Variants in RPS6KC1 observed in about 807,000 individuals in gnomAD.
The protein encoded by RPS6KC1 is ribosomal protein S6 kinase C1, also known as inactive ribosomal protein S6 kinase delta-1.
In RPS6KC1, 54 loss-of-function variants were observed where a neutral mutation model predicts 103.8. The observed-to-expected ratio is 0.52, with a 90% CI of 0.42 to 0.65. RPS6KC1 has a LOEUF of 0.65. Among genes scored for constraint, RPS6KC1 ranks in the 30% least tolerant of loss-of-function variants. The pLI is 0.00. For missense variants in RPS6KC1, 1,151 were observed against 1,253.8 expected (o/e 0.92, Z 1.24); for synonymous variants, 439 against 438.7 (o/e 1.00, Z -0.01).
the RPS6KC1 span, among the ~76,000 whole-genome samples, chr1:213,385,349 A>G: frequency 6.6e-6 from 1 of 152,162 alleles, no homozygotes; most frequent in East Asian, 1.9e-4. Flanking sequence ...GAGGAAACTG[A>G]GACACAGAGA....
Position 213,061,894 on chromosome 1 carries a change from C to T in RPS6KC1, c.106-9112C>T, listed in dbSNP as rs190425519. On this transcript the variant is annotated intron_variant, in intron 1 of 14. Coordinates refer to ENST00000366960, the MANE Select transcript of RPS6KC1 (RefSeq NM_012424.6). ...GTAATTACTAGTATTAATTTTGTCA[C>T]TTTTTCTTCTTAGCTCTGCTACCCT... Among the ~76,000 whole-genome samples the T allele has an allele frequency of 3.1e-3, 470 of 152,236 alleles. 2 individuals carry two copies. The highest frequency in any genetic ancestry group is 9.9e-3 in the African/African-American group (412 of 41,536).
the RPS6KC1 span, among the ~76,000 whole-genome samples, chr1:213,531,032 T>C: frequency 6.6e-6 from 1 of 152,180 alleles, no homozygotes; most frequent in African/African-American, 2.4e-5. Context: ...GCAGCTGTTA[T>C]GGAGGAGTTA....
At chr1:213,189,856 C>T (rs965496335) in intron 8 of RPS6KC1, among the ~76,000 whole-genome samples, 7 of 152,110 alleles carry the variant, frequency 4.6e-5, no homozygotes, top group African/African-American at 1.7e-4. Flanking sequence ...TCCATGAGTT[C>T]AATTATTTTA....
chr1:213,695,833 A>G, the RPS6KC1 span, among the ~76,000 whole-genome samples: 1 of 152,250 alleles, frequency 6.6e-6, no homozygotes, highest in African/African-American at 2.4e-5. Flanking sequence ...AAAAATACAC[A>G]AACAGATAAC....
At chr1:213,451,937 G>A in the RPS6KC1 span, among the ~76,000 whole-genome samples, 7 of 152,212 alleles carry the variant, frequency 4.6e-5, no homozygotes, top group Non-Finnish European at 1.0e-4. Context: ...TGCTATTCCA[G>A]GAGAAGGCGA....
the RPS6KC1 span, among the ~76,000 whole-genome samples, chr1:213,420,684 A>T: frequency 1.3e-5 from 2 of 152,140 alleles, no homozygotes; most frequent in African/African-American, 4.8e-5. Context: ...TCAAAGCCTC[A>T]CAGAAGGCTC....
At chr1:213,348,578 G>A in the RPS6KC1 span, among the ~76,000 whole-genome samples, 2 of 152,188 alleles carry the variant, frequency 1.3e-5, no homozygotes, top group South Asian at 2.1e-4. Flanking sequence ...GCATTATTAA[G>A]TGACTGAATT....
chr1:213,370,856 T>C, the RPS6KC1 span, among the ~76,000 whole-genome samples: 2 of 152,126 alleles, frequency 1.3e-5, no homozygotes, highest in African/African-American at 4.8e-5. Context: ...GGCAGTGGCA[T>C]TGAGTACCAG....
At chr1:213,211,180 G>GTT (rs1558545169) in intron 8 of RPS6KC1, among the ~76,000 whole-genome samples, 1 of 152,188 alleles carries the variant, frequency 6.6e-6, no homozygotes, top group Non-Finnish European at 1.5e-5. Context: ...ACAGTGTCAA[G>GTT]TTATCATCCC....
At chr1:213,852,437 A>G in the RPS6KC1 span, among the ~76,000 whole-genome samples, 1 of 151,910 alleles carries the variant, frequency 6.6e-6, no homozygotes, top group African/African-American at 2.4e-5. Flanking sequence ...CCACCCAACT[A>G]TCTAGCAAAC....
the RPS6KC1 span, among the ~76,000 whole-genome samples, chr1:213,694,170 C>CCTGCCT: frequency 6.6e-6 from 1 of 152,240 alleles, no homozygotes; most frequent in Non-Finnish European, 1.5e-5. Flanking sequence ...TGCTCAATCT[C>CCTGCCT]CTGCCTCTGC....
chr1:213,051,558 A>C (rs373571113), intron 1 of RPS6KC1, 49 bp downstream of exon 1: 1 of 1,373,692 alleles, frequency 7.3e-7, no homozygotes, highest in Non-Finnish European at 1.0e-6. Flanking sequence ...GGACCTGAGG[A>C]TCTGGGGTGG....
At chr1:213,694,428 A>G in the RPS6KC1 span, among the ~76,000 whole-genome samples, 1 of 152,162 alleles carries the variant, frequency 6.6e-6, no homozygotes, top group Non-Finnish European at 1.5e-5. Flanking sequence ...CAATATTCTG[A>G]ATTTCCCCCA....
chr1:213,454,149 G>GGC, the RPS6KC1 span, among the ~76,000 whole-genome samples: 9 of 150,862 alleles, frequency 6.0e-5, no homozygotes, highest in African/African-American at 2.2e-4. Context: ...TGACCACATG[G>GGC]GGGGGGTCAG....
intron 12 of RPS6KC1, among the ~76,000 whole-genome samples, chr1:213,256,959 G>C (rs1354422662): frequency 2.6e-5 from 4 of 152,166 alleles, no homozygotes; most frequent in African/African-American, 4.8e-5. Context: ...AGTGAAATAA[G>C]ATTCTGAGGT....
At chr1:213,603,081 C>T in the RPS6KC1 span, among the ~76,000 whole-genome samples, 1 of 152,214 alleles carries the variant, frequency 6.6e-6, no homozygotes, top group Non-Finnish European at 1.5e-5. Context: ...GCTTACAAAG[C>T]ACAGCAGGCA....
the RPS6KC1 span, among the ~76,000 whole-genome samples, chr1:213,685,263 C>G: frequency 1.3e-5 from 2 of 152,126 alleles, no homozygotes; most frequent in African/African-American, 4.8e-5. Context: ...TAAGTCCTGC[C>G]TCTATCACAA....
At chr1:213,305,140 A>C in the RPS6KC1 span, among the ~76,000 whole-genome samples, 1 of 152,132 alleles carries the variant, frequency 6.6e-6, no homozygotes, top group Non-Finnish European at 1.5e-5. Flanking sequence ...ACTGGAGTGC[A>C]CTGGCGCCAT....
At chr1:213,817,379 G>A in the RPS6KC1 span, among the ~76,000 whole-genome samples, 1 of 152,218 alleles carries the variant, frequency 6.6e-6, no homozygotes, top group South Asian at 2.1e-4. Context: ...TTATAATTAA[G>A]GTTTTACAGC....
Sources: allele counts gnomAD v4.1 joint callset (sites outside exome capture counted in the v4.1 genomes callset), GRCh38; gene constraint gnomAD v4.1.1; transcripts MANE v1.5; gene names NCBI Gene and HGNC (gene_info 2026-07-23, HGNC 2026-07-21).